Variants in CCDC112 observed in about 807,000 individuals in gnomAD.
The protein encoded by CCDC112 is coiled-coil domain-containing protein 112.
In CCDC112, 40 loss-of-function variants were observed where a neutral mutation model predicts 66.3. That is an observed-to-expected ratio of 0.60 (90% CI 0.47 to 0.79). The LOEUF (loss-of-function observed/expected upper bound fraction) is 0.79, where lower values mean the gene tolerates loss of function less well. Ranked by LOEUF, CCDC112 falls within the 30% of genes least tolerant of loss-of-function variation. The pLI, the probability that CCDC112 is intolerant of heterozygous loss-of-function variation, is 0.00. For missense variants in CCDC112, 659 were observed against 603.8 expected (o/e 1.09, Z -0.96); for synonymous variants, 214 against 197.2 (o/e 1.09, Z -0.71).
At chr5:115,270,983 C>A (rs771974142) in intron 7 of CCDC112, among the ~76,000 whole-genome samples, 23 of 152,130 alleles carry the variant, frequency 1.5e-4, no homozygotes, top group Non-Finnish European at 1.3e-4. Flanking sequence ...TATGTCCATA[C>A]CTCAATCACC....
In CCDC112 at chr5:115,271,353, T is replaced by C; in HGVS notation, c.1192A>G (p.Lys398Glu). 3 of 1,612,646 alleles carry C rather than the reference T, an allele frequency of 1.9e-6. No homozygotes were observed. Among genetic ancestry groups the C allele is most frequent in the South Asian group, 2.2e-5 (2 of 90,408 alleles). The change falls in exon 7 of 10, where the codon AAA (lysine) becomes GAA (glutamate). Residue 398 changes from lysine to glutamate, a missense_variant. Lys to Glu is a moderately conservative substitution (Grantham distance 56, BLOSUM62 1). Coordinates refer to ENST00000379611, the MANE Select transcript of CCDC112 (RefSeq NM_001040440.3). ...TGGGTATAACTTTCTAGTAGTAATT[T>C]TAACTTAAACTGGCGCTGGCGTTCT... ...QKERQRQFKL[K>E]LLLESYTQQK...
chr5:115,288,672 A>G (rs1014354038), intron 1 of CCDC112, among the ~76,000 whole-genome samples: 3 of 152,232 alleles, frequency 2.0e-5, no homozygotes, highest in Non-Finnish European at 4.4e-5. Flanking sequence ...TACACTTAGT[A>G]TTAGAAGATA....
At chr5:115,275,933 G>A (rs1343685053) in intron 5 of CCDC112, 61 bp downstream of exon 5, 1 of 1,090,616 alleles carries the variant, frequency 9.2e-7, no homozygotes, top group African/African-American at 1.6e-5. Flanking sequence ...AAAATGTACT[G>A]GGGCCAGTTA....
chr5:115,288,995 T>C (rs966157457), intron 1 of CCDC112: 2 of 187,042 alleles, frequency 1.1e-5, no homozygotes, highest in Non-Finnish European at 2.2e-5. Context: ...TTGGCTTCCT[T>C]TTTTTTTTTT....
chr5:115,270,383 C>A (rs1030279729), intron 7 of CCDC112, among the ~76,000 whole-genome samples: 2 of 152,098 alleles, frequency 1.3e-5, no homozygotes, highest in African/African-American at 4.8e-5. Context: ...ATCTCATTTG[C>A]ACCCTTTTTC....
intron 1 of CCDC112, among the ~76,000 whole-genome samples, chr5:115,286,620 T>G (rs1561498910): frequency 6.6e-6 from 1 of 152,070 alleles, no homozygotes; most frequent in Non-Finnish European, 1.5e-5. Flanking sequence ...TTTGAAAAAT[T>G]GGGTGGCATA....
At chr5:115,281,147 C>A (rs1749438887) in intron 2 of CCDC112, among the ~76,000 whole-genome samples, 1 of 151,994 alleles carries the variant, frequency 6.6e-6, no homozygotes, top group African/African-American at 2.4e-5. Flanking sequence ...CCTCAGCCTC[C>A]CGAGTAACTG....
intron 2 of CCDC112, among the ~76,000 whole-genome samples, chr5:115,281,753 C>T (rs190577161): frequency 2.0e-3 from 303 of 152,112 alleles, no homozygotes; most frequent in Non-Finnish European, 2.8e-3. Flanking sequence ...GGAGACAAGT[C>T]GACAAAAATG....
intron 8 of CCDC112, 64 bp downstream of exon 8, chr5:115,269,639 T>G: frequency 9.1e-7 from 1 of 1,097,076 alleles, no homozygotes; most frequent in Non-Finnish European, 1.3e-6. Flanking sequence ...AGATTTGATG[T>G]CAGTATCCTT....
At chr5:115,269,977 C>T (rs548596029) in intron 7 of CCDC112, among the ~76,000 whole-genome samples, 179 bp from the exon 8 acceptor site, 1 of 152,112 alleles carries the variant, frequency 6.6e-6, no homozygotes, top group South Asian at 2.1e-4. Flanking sequence ...ACATGCACAT[C>T]CCTTCTGTAT....
intron 1 of CCDC112, among the ~76,000 whole-genome samples, chr5:115,286,570 T>C (rs777823949): frequency 6.6e-5 from 10 of 152,182 alleles, no homozygotes; most frequent in Non-Finnish European, 1.5e-4. Flanking sequence ...GCAGCAGAAT[T>C]TCTGGATCAT....
At position 115,284,890 on chromosome 5, in the gene CCDC112, T is replaced by A. The variant is rs1243149010; in HGVS notation, c.136A>T (p.Thr46Ser). 2.5e-6 allele frequency: 4 copies of A among 1,612,710 alleles called. No homozygotes were observed. Among genetic ancestry groups the A allele is most frequent in the Non-Finnish European group, 3.4e-6 (4 of 1,179,072 alleles). ...APQQSDGCFS[T>S]SGGIRPFHLQ... ...TGAAAAGGACGAATTCCACCTGAAGTACTAAAACAGCCATCACTCTGCATT... is the reference window on the plus strand; with the variant it reads ...TGAAAAGGACGAATTCCACCTGAAGAACTAAAACAGCCATCACTCTGCATT... Residue 46 changes from threonine (T) to serine (S), a missense_variant, in exon 2 of 10, where the codon ACT (threonine) becomes TCT (serine). Thr to Ser is a moderately conservative substitution (Grantham distance 58). Transcript: ENST00000379611.
chr5:115,284,834 C>T lies in CCDC112; in HGVS notation c.192G>A (p.Gln64=). 3 of 1,611,640 alleles carry T rather than the reference C, an allele frequency of 1.9e-6. No individual in the cohort carries two copies. The highest frequency in any genetic ancestry group is 1.1e-5 in the South Asian group (1 of 90,960). Residue 64 remains glutamine (Q), a synonymous_variant, in exon 2 of 10, where the codon CAG becomes CAA. Coordinates refer to ENST00000379611, the MANE Select transcript of CCDC112 (RefSeq NM_001040440.3). ...TGCGTACAAATTCTGCTTTCTTAGT[C>T]TGATTAACTTTCTGCTTCCAGTTCT... ...HLQNWKQKVN[Q]TKKAEFVRTA...
At position 115,279,422 on chromosome 5, in the gene CCDC112, A is replaced by T. The variant is rs564990404; in HGVS notation, c.361+225T>A. On this transcript the variant is annotated intron_variant, in intron 3 of 9. Transcript: ENST00000379611. The stretch of plus-strand genomic sequence containing the variant: ...TGTTATATTGGAAAAAATATACAAC[A>T]GAAAACAATCCAGTTAGTATGACTA... 1.4e-4 allele frequency among the ~76,000 whole-genome samples: 21 copies of T among 152,292 alleles called. No homozygotes were observed. The South Asian group carries it at 3.9e-3, about 29-fold the overall frequency.
At chr5:115,294,882 T>A (rs995457575) in intron 1 of CCDC112, among the ~76,000 whole-genome samples, 1 of 152,156 alleles carries the variant, frequency 6.6e-6, no homozygotes. Flanking sequence ...TTTGTTTTTT[T>A]AAAAAAGCCC....
intron 1 of CCDC112, among the ~76,000 whole-genome samples, chr5:115,285,762 A>G (rs1193278165): frequency 1.3e-5 from 2 of 152,122 alleles, no homozygotes; most frequent in Non-Finnish European, 2.9e-5. Context: ...TGGAGAGGAA[A>G]TTGATGGGAG....
At position 115,272,767 on chromosome 5, in the gene CCDC112, G is replaced by C. The variant is rs572388177; in HGVS notation, c.919-1141C>G. Among the ~76,000 whole-genome samples, 89 of 151,900 alleles carry C rather than the reference G, an allele frequency of 5.9e-4. 1 individual carries two copies. The South Asian group carries it at 7.9e-3, about 13-fold the overall frequency. ...TCATTCCACTCAATAAATCTTTATG[G>C]TATGTATATATACTATAAACAAGGC... On this transcript the variant is annotated intron_variant, in intron 6 of 9. Transcript: ENST00000379611.
chr5:115,267,833 A>G lies in CCDC112; in HGVS notation c.*43T>C. On this transcript the variant is annotated 3_prime_UTR_variant, in exon 10 of 10. Coordinates refer to ENST00000379611, the MANE Select transcript of CCDC112 (RefSeq NM_001040440.3). ...AGTCACTCTCTCCCTGGTATAACTT[A>G]GTATGTTAACATTCTTATCAACTGA... The G allele has an allele frequency of 1.4e-6, 2 of 1,447,052 alleles. No individual in the cohort carries two copies. The highest frequency in any genetic ancestry group is 1.9e-6 in the Non-Finnish European group (2 of 1,028,478). The allele number at this position is 1,447,052 out of a possible 1,614,324, so 89.6% of individuals were successfully genotyped here. A position where few individuals can be genotyped will look rare whatever the true frequency, so the allele number is the denominator to read the frequency against.
intron 9 of CCDC112, among the ~76,000 whole-genome samples, chr5:115,268,633 A>G (rs1466664317): frequency 1.4e-5 from 2 of 148,098 alleles, no homozygotes; most frequent in Non-Finnish European, 3.0e-5. Flanking sequence ...AAATATATAT[A>G]TATATTTTTC....
Sources: gnomAD v4.1 joint callset for allele counts (sites outside exome capture counted in the v4.1 genomes callset) on GRCh38, gnomAD v4.1.1 for gene constraint, MANE v1.5 for transcripts, NCBI Gene and HGNC (gene_info 2026-07-23, HGNC 2026-07-21) for gene names.